TPM3: variants seen among roughly 807,000 people sequenced by gnomAD.
The protein encoded by TPM3 is tropomyosin 3.
In TPM3, 16 loss-of-function variants were observed where a neutral mutation model predicts 43.1. The ratio of observed to expected loss-of-function variants is 0.37; its 90% CI spans 0.25 to 0.56. TPM3 has a LOEUF of 0.56. Ranked by LOEUF, TPM3 falls within the 20% of genes least tolerant of loss-of-function variation. TPM3 has a pLI of 0.77. For missense variants in TPM3, 176 were observed against 337.2 expected, an observed-to-expected ratio of 0.52 and a Z score of 3.74; for synonymous variants, 101 against 116.9, an observed-to-expected ratio of 0.86 and a Z score of 0.88.
At chr1:154,176,949 A>AG (rs1354213221) in intron 2 of TPM3, among the ~76,000 whole-genome samples, 1 of 150,122 alleles carries the variant, frequency 6.7e-6, no homozygotes, top group Non-Finnish European at 1.5e-5. Context: ...ACTACACTCC[A>AG]GCCTGGGCAA....
At position 154,190,691 on chromosome 1, in the gene TPM3, A is replaced by G. The variant is rs140175729; in HGVS notation, c.243+495T>C. On this transcript the variant is annotated intron_variant, in intron 2 of 9. Coordinates refer to ENST00000651641, the MANE Select transcript of TPM3 (RefSeq NM_152263.4). ...AAGGCAAATGCCTGCATTGGCCAAG[A>G]TAAATAAACCCATATATGGCCAGGG... Among the ~76,000 whole-genome samples the G allele has an allele frequency of 7.0e-4, 106 of 152,342 alleles. 1 individual carries two copies. The highest frequency in any genetic ancestry group is 2.4e-3 in the African/African-American group (101 of 41,580).
intron 3 of TPM3, among the ~76,000 whole-genome samples, chr1:154,174,597 T>C (rs1202118721): frequency 6.7e-6 from 1 of 149,234 alleles, no homozygotes; most frequent in Non-Finnish European, 1.5e-5. Context: ...TGGGTTCCAG[T>C]GCTTCTCGTG....
downstream of TPM3, among the ~76,000 whole-genome samples, chr1:154,159,549 A>G (rs1660138926): frequency 6.6e-6 from 1 of 152,240 alleles, no homozygotes; most frequent in Admixed American, 6.5e-5. Context: ...GCTTTGTGTT[A>G]CAGATATTGT....
In TPM3 at chr1:154,178,294, T is replaced by C. The variant is rs116258572; in HGVS notation, c.244-2046A>G. ...TTCTCCCACAAATCAGCATTTACAA[T>C]AGAATTCTTAGCAAGGCTGAAAAGG... On this transcript the variant is annotated intron_variant, in intron 2 of 9. Transcript: ENST00000651641. 1,266 of 585,432 alleles carry C rather than the reference T, an allele frequency of 2.2e-3. 16 individuals carry two copies. In the African/African-American group the frequency reaches 0.024, roughly 11 times the overall value. 36.3% of individuals were successfully genotyped at this position (585,432 alleles called of 1,614,324 possible).
At position 154,161,817 on chromosome 1, in the gene TPM3, A is replaced by T. The variant is rs1216047286; in HGVS notation, c.*6120T>A. Among the ~76,000 whole-genome samples the T allele has an allele frequency of 6.6e-6, 1 of 152,114 alleles. No individual in the cohort carries two copies. The highest frequency in any genetic ancestry group is 2.4e-5 in the African/African-American group (1 of 41,428). ...GGAAGAAATAAAGAGACAGAGAAGG[A>T]GTGAGAGCATTTTATTGCCTGACTA... On this transcript the variant is annotated 3_prime_UTR_variant, in exon 10 of 10. Transcript: ENST00000651641.
chr1:154,174,788 C>T (rs978316664), intron 3 of TPM3, among the ~76,000 whole-genome samples: 16 of 151,468 alleles, frequency 1.1e-4, no homozygotes, highest in African/African-American at 3.6e-4. Context: ...GCCACTGCGC[C>T]CGGCCCTCAC....
At chr1:154,181,290 T>C (rs1662914411) in intron 2 of TPM3, among the ~76,000 whole-genome samples, 2 of 152,206 alleles carry the variant, frequency 1.3e-5, no homozygotes, top group African/African-American at 2.4e-5. Flanking sequence ...GTATTTAAAC[T>C]GGAGGGCAGC....
chr1:154,178,107 G>A, intron 2 of TPM3: 2 of 984,158 alleles, frequency 2.0e-6, no homozygotes, highest in Non-Finnish European at 2.4e-6. Flanking sequence ...CTAGTAAAAT[G>A]ACTTACCCCC....
intron 2 of TPM3, among the ~76,000 whole-genome samples, chr1:154,179,123 A>C (rs960443827): frequency 3.9e-5 from 6 of 152,240 alleles, no homozygotes; most frequent in Non-Finnish European, 7.3e-5. Flanking sequence ...CAAATGAAAG[A>C]GTATCAGAAA....
At position 154,172,591 on chromosome 1, in the gene TPM3, G is replaced by A. The variant is rs1458795411; in HGVS notation, c.566+317C>T. On this transcript the variant is annotated intron_variant, in intron 5 of 9. Transcript: ENST00000651641. ...GATCTTAAATCAGGATAGCCACTTTGATGTCTTCCACCCCAGGTGGAAGGA... is the reference window on the plus strand; with the variant it reads ...GATCTTAAATCAGGATAGCCACTTTAATGTCTTCCACCCCAGGTGGAAGGA... The A allele has an allele frequency of 1.1e-5, 5 of 451,738 alleles. No homozygotes were observed. In the East Asian group the frequency reaches 2.6e-4, roughly 23 times the overall value. The allele number at this position is 451,738 out of a possible 1,614,324, so 28.0% of individuals were successfully genotyped here.
At chr1:154,188,629 C>T (rs887221252) in intron 2 of TPM3, among the ~76,000 whole-genome samples, 13 of 142,604 alleles carry the variant, frequency 9.1e-5, no homozygotes, top group Admixed American at 5.0e-4. Context: ...GAGCCAAGAT[C>T]GTACCACTGC....
chr1:154,158,677 A>C (rs1236677117), downstream of TPM3: 1 of 451,092 alleles, frequency 2.2e-6, no homozygotes, highest in Non-Finnish European at 4.1e-6. Context: ...TCAGTGCCCA[A>C]GTGAAAGAGC....
intron 2 of TPM3, among the ~76,000 whole-genome samples, chr1:154,189,486 T>TCAA (rs1388497281): frequency 2.1e-5 from 3 of 143,976 alleles, no homozygotes; most frequent in Non-Finnish European, 4.5e-5. Context: ...AGACTCCATC[T>TCAA]CAACAACAAC....
At chr1:154,160,246 T>C (rs1218023907), downstream of TPM3, among the ~76,000 whole-genome samples, 1 of 152,196 alleles carries the variant, frequency 6.6e-6, no homozygotes, top group Non-Finnish European at 1.5e-5. Flanking sequence ...CAAATAAGTT[T>C]CTCCCTATAT....
intron 3 of TPM3, among the ~76,000 whole-genome samples, chr1:154,175,540 A>T (rs1408751642): frequency 6.6e-6 from 1 of 152,138 alleles, no homozygotes; most frequent in African/African-American, 2.4e-5. Flanking sequence ...CAGGCCCCAC[A>T]TCCAAAGTTT....
intron 2 of TPM3, among the ~76,000 whole-genome samples, chr1:154,184,001 A>G (rs1382659333): frequency 6.6e-6 from 1 of 151,616 alleles, no homozygotes; most frequent in Non-Finnish European, 1.5e-5. Flanking sequence ...CTGGGACTAC[A>G]GGTGCACGCC....
rs766890015 is a variant in TPM3, at chr1:154,167,890, C to G, written c.*47G>C. 3 of 1,613,756 alleles carry G rather than the reference C, an allele frequency of 1.9e-6. No homozygotes were observed. The highest frequency in any genetic ancestry group is 1.1e-5 in the South Asian group (1 of 91,064). ...AGCGAGAGTGGGGCCTTGGGTTCCC[C>G]GAGGAGTAAAGGGGGCAGATCCAGA... On this transcript the variant is annotated 3_prime_UTR_variant, in exon 10 of 10. Transcript: ENST00000651641.
rs1048437368 is a variant in TPM3 at position 154,165,189 on chromosome 1, C to A, written c.*2748G>T. Among the ~76,000 whole-genome samples, 1 of 151,838 alleles carries A rather than the reference C, an allele frequency of 6.6e-6. No homozygotes were observed. The highest frequency in any genetic ancestry group is 1.5e-5 in the Non-Finnish European group (1 of 67,966). ...TTGAGGTCAGGAGTTCGCGACCAGC[C>A]TGGCCAACATGCTGAAACCCCGTCC... On this transcript the variant is annotated 3_prime_UTR_variant, in exon 10 of 10. Coordinates refer to ENST00000651641, the MANE Select transcript of TPM3 (RefSeq NM_152263.4).
At chr1:154,157,664 G>A (rs2148183820), downstream of TPM3, 1 of 780,408 alleles carries the variant, frequency 1.3e-6, no homozygotes, top group South Asian at 1.3e-5. Flanking sequence ...GTCAAGCAGG[G>A]TCTGGTCCAG....
Sources: gnomAD v4.1 joint callset for allele counts (sites outside exome capture counted in the v4.1 genomes callset) on GRCh38, gnomAD v4.1.1 for gene constraint, MANE v1.5 for transcripts, NCBI Gene and HGNC (gene_info 2026-07-23, HGNC 2026-07-21) for gene names.